Variants in TFEC observed in about 807,000 individuals in gnomAD.
The protein encoded by TFEC is transcription factor EC.
In TFEC, 31 loss-of-function variants were observed where a neutral mutation model predicts 41.6. The observed-to-expected ratio is 0.74, with a 90% CI of 0.56 to 1.01. TFEC has a LOEUF of 1.01. TFEC is among the 50% of genes least tolerant of loss of function. The pLI, the probability that TFEC is intolerant of heterozygous loss-of-function variation, is 0.00. For missense variants in TFEC, 402 were observed against 404.1 expected, an observed-to-expected ratio of 0.99 and a Z score of 0.04; for synonymous variants, 143 against 140.6, an observed-to-expected ratio of 1.02 and a Z score of -0.12.
chr7:115,981,555 G>A (rs1411345074), intron 2 of TFEC, among the ~76,000 whole-genome samples: 5 of 152,134 alleles, frequency 3.3e-5, no homozygotes, highest in East Asian at 1.9e-4. Context: ...ATATTAAAAT[G>A]TGAATAAGGT....
intron 3 of TFEC, among the ~76,000 whole-genome samples, chr7:116,036,882 A>G (rs1188650940): frequency 6.6e-6 from 1 of 152,098 alleles, no homozygotes; most frequent in Non-Finnish European, 1.5e-5. Flanking sequence ...GAGAAATACC[A>G]TGAAAGTAGA....
chr7:115,947,071 T>G (rs1282174843), intron 6 of TFEC, among the ~76,000 whole-genome samples: 1 of 55,814 alleles, frequency 1.8e-5, no homozygotes, highest in Admixed American at 2.6e-4. Flanking sequence ...CCCTCCCCCC[T>G]CCCCCCACCC....
chr7:115,979,796 C>T (rs563314132), intron 2 of TFEC, among the ~76,000 whole-genome samples: 4 of 152,180 alleles, frequency 2.6e-5, no homozygotes, highest in Non-Finnish European at 4.4e-5. Flanking sequence ...TCCACCTTCA[C>T]TTTCGTATAC....
At chr7:116,122,907 C>T (rs893716040) in intron 1 of TFEC, among the ~76,000 whole-genome samples, 1 of 152,134 alleles carries the variant, frequency 6.6e-6, no homozygotes, top group South Asian at 2.1e-4. Context: ...TGCCCTTTCC[C>T]GCTTCATTCT....
At chr7:115,950,831 C>A (rs1410159989) in intron 6 of TFEC, 43 bp downstream of exon 6, 3 of 1,477,770 alleles carry the variant, frequency 2.0e-6, no homozygotes, top group Admixed American at 1.9e-5. Flanking sequence ...TTTTGGGGGT[C>A]TTTAAATTAT....
intron 3 of TFEC, among the ~76,000 whole-genome samples, chr7:116,101,663 C>T (rs1024855389): frequency 2.7e-5 from 4 of 150,088 alleles, no homozygotes; most frequent in Non-Finnish European, 3.0e-5. Context: ...TTTTAAGATA[C>T]GTTGATTGCA....
At chr7:116,130,146 ATC>A (rs1798303345) in intron 1 of TFEC, among the ~76,000 whole-genome samples, 1 of 151,918 alleles carries the variant, frequency 6.6e-6, no homozygotes, top group Admixed American at 6.6e-5. Context: ...TCCACTAGAA[ATC>A]TCTGATTAAC....
At position 115,970,797 on chromosome 7, in the gene TFEC, C is replaced by T. The variant is rs142666194; in HGVS notation, c.267+3373G>A. ...CCTCTCTCACCATGTGACACTCTGG[C>T]TCCCCTTCCTTTCTGCCATGACTAA... On this transcript the variant is annotated intron_variant, in intron 3 of 7. Coordinates refer to ENST00000265440, the MANE Select transcript of TFEC (RefSeq NM_012252.4). Among the ~76,000 whole-genome samples the T allele has an allele frequency of 2.4e-4, 37 of 151,998 alleles. 1 individual carries two copies. In the East Asian group the frequency reaches 7.2e-3, roughly 30 times the overall value.
At chr7:116,064,927 C>G (rs1056775653) in intron 3 of TFEC, among the ~76,000 whole-genome samples, 3 of 151,954 alleles carry the variant, frequency 2.0e-5, no homozygotes, top group East Asian at 3.9e-4. Context: ...TCTGTTTTAC[C>G]CTAATAAAAC....
chr7:116,056,957 G>T (rs1796445675), intron 3 of TFEC, among the ~76,000 whole-genome samples: 1 of 151,954 alleles, frequency 6.6e-6, no homozygotes, highest in African/African-American at 2.4e-5. Flanking sequence ...ATTATGTAAA[G>T]ACATACAATA....
chr7:116,096,959 G>A (rs1177384000), intron 3 of TFEC, among the ~76,000 whole-genome samples: 1 of 151,766 alleles, frequency 6.6e-6, no homozygotes, highest in Non-Finnish European at 1.5e-5. Context: ...GCGTGGTGCC[G>A]CATGCCTGTA....
At position 116,085,477 on chromosome 7, in the gene TFEC, C is replaced by T. The variant is rs945993591; in HGVS notation, c.198+25231G>A. On this transcript the variant is annotated intron_variant, in intron 3 of 8. Coordinates refer to the TFEC transcript ENST00000484212. ...TTCGCTTAAAATGAAATTTATAGAACGGGTTTGACCAAATGGATTGTATTT... is the reference window on the plus strand; with the variant it reads ...TTCGCTTAAAATGAAATTTATAGAATGGGTTTGACCAAATGGATTGTATTT... Among the ~76,000 whole-genome samples the T allele has an allele frequency of 5.3e-5, 8 of 151,710 alleles. No homozygotes were observed. The East Asian group carries it at 7.7e-4, about 15-fold the overall frequency.
At chr7:116,076,235 A>G (rs1450996516) in intron 3 of TFEC, among the ~76,000 whole-genome samples, 1 of 152,170 alleles carries the variant, frequency 6.6e-6, no homozygotes, top group African/African-American at 2.4e-5. Flanking sequence ...AGAACACCAC[A>G]TCAAGGGAGC....
In TFEC at chr7:115,937,417, A is replaced by T. The variant is rs921220952; in HGVS notation, c.*3134T>A. The T allele has an allele frequency of 1.3e-5, 2 of 151,748 alleles. No homozygotes were observed. Among genetic ancestry groups the T allele is most frequent in the African/African-American group, 4.8e-5 (2 of 41,414 alleles). The allele number at this position is 151,748 out of a possible 1,614,324, so 9.4% of individuals were successfully genotyped here. Reference sequence around the variant, plus strand: ...ATATTCTAGAGAGTCAAATTTTTCTAGAAGTCTATCTTGTTTCTTAGATAC... The same window carrying T: ...ATATTCTAGAGAGTCAAATTTTTCTTGAAGTCTATCTTGTTTCTTAGATAC... On this transcript the variant is annotated 3_prime_UTR_variant, in exon 8 of 8. Coordinates refer to ENST00000265440, the MANE Select transcript of TFEC (RefSeq NM_012252.4).
At chr7:116,143,844 G>A (rs550368813) in intron 1 of TFEC, among the ~76,000 whole-genome samples, 1 of 152,312 alleles carries the variant, frequency 6.6e-6, no homozygotes, top group East Asian at 1.9e-4. Context: ...AGAGACTAGA[G>A]ATGAAGGGCT....
chr7:116,010,969 T>C (rs962643091), intron 1 of TFEC, among the ~76,000 whole-genome samples: 2 of 152,172 alleles, frequency 1.3e-5, no homozygotes, highest in African/African-American at 4.8e-5. Flanking sequence ...CAACCCCTTA[T>C]CTGCAGCTCT....
chr7:115,966,083 C>T (rs566727143), intron 3 of TFEC, among the ~76,000 whole-genome samples: 1 of 151,866 alleles, frequency 6.6e-6, no homozygotes, highest in African/African-American at 2.4e-5. Context: ...CTTCCTTCTG[C>T]TTTCTCCCAG....
intron 4 of TFEC, among the ~76,000 whole-genome samples, chr7:115,954,847 T>C (rs58581927): frequency 2.1e-4 from 32 of 152,148 alleles, no homozygotes; most frequent in African/African-American, 7.7e-4. Context: ...TCTGGGATAA[T>C]AAAAACTGAA....
intron 1 of TFEC, among the ~76,000 whole-genome samples, chr7:116,152,027 G>A (rs1798772676): frequency 6.6e-6 from 1 of 152,022 alleles, no homozygotes; most frequent in South Asian, 2.1e-4. Flanking sequence ...TTCTTATTGA[G>A]GGTGCAGAGT....
Sources: allele counts gnomAD v4.1 joint callset (sites outside exome capture counted in the v4.1 genomes callset), GRCh38; gene constraint gnomAD v4.1.1; transcripts MANE v1.5; gene names NCBI Gene and HGNC (gene_info 2026-07-23, HGNC 2026-07-21).